HDAC4: variants seen among roughly 807,000 people sequenced by gnomAD.
HDAC4 encodes the protein histone deacetylase 4, also known as histone deacetylase A.
HDAC4 carries 16 observed loss-of-function variants against 135.1 expected under a neutral mutation model. The observed-to-expected ratio is 0.12, with a 90% CI of 0.08 to 0.18. The LOEUF (loss-of-function observed/expected upper bound fraction) is 0.18, where lower values mean the gene tolerates loss of function less well. Ranked by LOEUF, HDAC4 falls within the 10% of genes least tolerant of loss-of-function variation. The pLI is 1.00. For synonymous variants in HDAC4, 685 were observed against 653.4 expected, an observed-to-expected ratio of 1.05 and a Z score of -0.74; for missense variants, 1,143 against 1,511.8, an observed-to-expected ratio of 0.76 and a Z score of 4.05.
At position 239,115,129 on chromosome 2, in the gene HDAC4, T is replaced by C; in HGVS notation, c.1715A>G (p.Glu572Gly). 1.9e-6 allele frequency: 3 copies of C among 1,611,846 alleles called. No individual in the cohort carries two copies. Among genetic ancestry groups the C allele is most frequent in the Non-Finnish European group, 8.5e-7 (1 of 1,179,942 alleles). Residue 572 changes from glutamate to glycine, a missense_variant, in exon 13 of 27, where the codon GAG (glutamate) becomes GGG (glycine). Physicochemically the swap from Glu to Gly is moderately conservative, Grantham distance 98 (BLOSUM62 -2). Around this residue, in one of 9 missense-constraint regions of HDAC4, gnomAD observed 196 missense variants for 210.7 expected, o/e 0.93. Transcript: ENST00000543185. The surrounding 1 kb of genome is among the most constrained non-coding windows in gnomAD (Gnocchi z 6.3). ...QVKQEPIESD[E>G]EEAEPPREVE... is the part of the protein sequence containing the mutation. ...CTCCCGTGGGGGCTCTGCCTCTTCC[T>C]CATCGCTCTCAATGGGCTCCTGCTT...
chr2:239,087,522 G>T, intron 19 of HDAC4, 37 bp downstream of exon 19: 1 of 1,603,052 alleles, frequency 6.2e-7, no homozygotes, highest in Non-Finnish European at 8.5e-7. Context: ...GGAAGACCTG[G>T]GTTCCCCTGC....
In HDAC4 at chr2:239,344,864, T is replaced by C. The variant is rs931713294; in HGVS notation, c.22+7814A>G. 9.2e-5 allele frequency among the ~76,000 whole-genome samples: 14 copies of C among 152,292 alleles called. No homozygotes were observed. The Middle Eastern group carries it at 0.02, about 222-fold the overall frequency. ...GTCCTTCTCTAAAACCTCCAGTTGA[T>C]GTAGGGCTGGTCTACTCTCCCACGT... On this transcript the variant is annotated intron_variant, in intron 2 of 26. Coordinates refer to ENST00000543185, the MANE Select transcript of HDAC4 (RefSeq NM_001378414.1).
At chr2:239,324,751 T>C (rs1215797890) in intron 2 of HDAC4, among the ~76,000 whole-genome samples, 1 of 152,206 alleles carries the variant, frequency 6.6e-6, no homozygotes, top group Non-Finnish European at 1.5e-5. Context: ...CGCCATCCCT[T>C]GGAGAGGCCA....
chr2:239,147,626 G>A (rs2041851282), intron 7 of HDAC4, among the ~76,000 whole-genome samples: 1 of 152,276 alleles, frequency 6.6e-6, no homozygotes, highest in Non-Finnish European at 1.5e-5. Flanking sequence ...AGGGCTGCAG[G>A]TACATTGACA....
chr2:239,256,654 G>A (rs886308291), intron 2 of HDAC4, among the ~76,000 whole-genome samples: 2 of 152,248 alleles, frequency 1.3e-5, no homozygotes, highest in Non-Finnish European at 2.9e-5. Context: ...CTGTTTTTGT[G>A]TCCATGACCC....
intron 1 of HDAC4, among the ~76,000 whole-genome samples, chr2:239,359,999 G>A (rs2125956788): frequency 6.6e-6 from 1 of 152,326 alleles, no homozygotes; most frequent in Non-Finnish European, 1.5e-5. Flanking sequence ...GGAGTTCATG[G>A]TTGCAAGCAA....
chr2:239,248,383 G>A (rs60560698), intron 2 of HDAC4, among the ~76,000 whole-genome samples: 18,033 of 151,946 alleles, frequency 0.12, 1,198 homozygotes, highest in Non-Finnish European at 0.15. Context: ...GGGTTTCACC[G>A]TGTTAGCCAG....
rs1244447070 is a variant in HDAC4 at position 239,313,990 on chromosome 2, C to T, written c.22+38688G>A. Among the ~76,000 whole-genome samples the T allele has an allele frequency of 6.6e-6, 1 of 152,116 alleles. No individual in the cohort carries two copies. The highest frequency in any genetic ancestry group is 6.5e-5 in the Admixed American group (1 of 15,274). On this transcript the variant is annotated intron_variant, in intron 2 of 26. Transcript: ENST00000543185. This position sits in a 1 kb window ranked among gnomAD's most constrained non-coding sequence, Gnocchi z 5.1. ...AAGACAGGCCTGCAAGGGACACATC[C>T]GGGCCTGGGCTTGGTGCTGGCTAGA...
rs560867165 is a variant in HDAC4 at position 239,082,218 on chromosome 2, C to T, written c.2536G>A (p.Val846Met). 6 of 1,614,186 alleles carry T rather than the reference C, an allele frequency of 3.7e-6. No individual in the cohort carries two copies. The highest frequency in any genetic ancestry group is 3.3e-5 in the Admixed American group (2 of 60,032). ...VSKILIVDWD[V>M]HHGNGTQQAF... ...TGCTGGGTCCCGTTTCCATGGTGCACGTCCTTAAAGAGCAGGGACAACTAC... is the reference window on the plus strand; with the variant it reads ...TGCTGGGTCCCGTTTCCATGGTGCATGTCCTTAAAGAGCAGGGACAACTAC... The change falls in exon 21 of 27, where the codon GTG (valine) becomes ATG (methionine). Residue 846 changes from valine to methionine, a missense_variant. Around this residue, in one of 9 missense-constraint regions of HDAC4, gnomAD observed 189 missense variants for 317.6 expected, o/e 0.60. Coordinates refer to ENST00000543185, the MANE Select transcript of HDAC4 (RefSeq NM_001378414.1).
intron 2 of HDAC4, among the ~76,000 whole-genome samples, chr2:239,273,041 C>T (rs553076523): frequency 4.6e-5 from 7 of 152,254 alleles, no homozygotes; most frequent in African/African-American, 1.4e-4. Flanking sequence ...TCCTCATTCC[C>T]GGAACCTAGA....
chr2:239,076,196 G>C (rs1179544527), intron 22 of HDAC4, among the ~76,000 whole-genome samples: 2 of 151,390 alleles, frequency 1.3e-5, no homozygotes, highest in African/African-American at 4.9e-5. Context: ...GGTTGGGTTG[G>C]AACAGCAGGC....
chr2:239,184,709 T>C lies in HDAC4; in HGVS notation c.339+5124A>G, dbSNP rs563643438. Reference sequence around the variant, plus strand: ...AGTGTCTGTCCCGGAGGATGTGTCCTATGGGGGGGTCCCTCAGTGTCTGTC... The same window carrying C: ...AGTGTCTGTCCCGGAGGATGTGTCCCATGGGGGGGTCCCTCAGTGTCTGTC... On this transcript the variant is annotated intron_variant, in intron 4 of 26. Transcript: ENST00000543185. 9.3e-5 allele frequency among the ~76,000 whole-genome samples: 11 copies of C among 117,750 alleles called. No homozygotes were observed. The South Asian group carries it at 3.6e-3, about 39-fold the overall frequency. The allele number at this position is 117,750 out of a possible 152,430, so 77.2% of individuals were successfully genotyped here.
chr2:239,094,758 A>G, intron 17 of HDAC4: 1 of 1,350,360 alleles, frequency 7.4e-7, no homozygotes, highest in Non-Finnish European at 9.6e-7. Flanking sequence ...CCTGTTTCTT[A>G]AAGCGAGAGC....
chr2:239,186,516 G>A (rs919766903), intron 4 of HDAC4: 1 of 152,234 alleles, frequency 6.6e-6, no homozygotes, highest in Non-Finnish European at 1.5e-5. Context: ...CAAAGAGAAA[G>A]GCAACCTTGA....
In HDAC4 at chr2:239,303,937, A is replaced by G. The variant is rs904174466; in HGVS notation, c.22+48741T>C. Reference sequence around the variant, plus strand: ...AAGGTCCCACTTCCCACCTCAGTCAAGCACCTGCCTCCCAGGCCTCACCAG... The same window carrying G: ...AAGGTCCCACTTCCCACCTCAGTCAGGCACCTGCCTCCCAGGCCTCACCAG... On this transcript the variant is annotated intron_variant, in intron 2 of 26. Transcript: ENST00000543185. The surrounding 1 kb of genome is among the most constrained non-coding windows in gnomAD (Gnocchi z 5.1). Among the ~76,000 whole-genome samples the G allele has an allele frequency of 4.6e-5, 7 of 152,170 alleles. No individual in the cohort carries two copies. Among genetic ancestry groups the G allele is most frequent in the African/African-American group, 1.4e-4 (6 of 41,520 alleles).
chr2:239,167,253 G>T lies in HDAC4; in HGVS notation c.491-3330C>A, dbSNP rs1040395402. ...TGTGGATCCACTGGCCCTCCACGGGGGAGGGTGCGCACTCCAGGAACAGGA... is the reference window on the plus strand; with the variant it reads ...TGTGGATCCACTGGCCCTCCACGGGTGAGGGTGCGCACTCCAGGAACAGGA... On this transcript the variant is annotated intron_variant, in intron 5 of 26. Coordinates refer to ENST00000543185, the MANE Select transcript of HDAC4 (RefSeq NM_001378414.1). The surrounding 1 kb of genome is among the most constrained non-coding windows in gnomAD (Gnocchi z 4.1). Among the ~76,000 whole-genome samples the T allele has an allele frequency of 2.0e-5, 3 of 152,170 alleles. No individual in the cohort carries two copies. Among genetic ancestry groups the T allele is most frequent in the African/African-American group, 7.2e-5 (3 of 41,450 alleles).
chr2:239,120,406 C>G lies in HDAC4; in HGVS notation c.1534-5096G>C, dbSNP rs201100156. On this transcript the variant is annotated intron_variant, in intron 12 of 26. Coordinates refer to ENST00000543185, the MANE Select transcript of HDAC4 (RefSeq NM_001378414.1). ...AGGCACACACAGACGCACACAGACA[C>G]ACACACACAGACACAGACAGATGCA... Among the ~76,000 whole-genome samples, 609 of 131,348 alleles carry G rather than the reference C, an allele frequency of 4.6e-3. 3 individuals are homozygous for G. The highest frequency in any genetic ancestry group is 0.026 in the East Asian group (113 of 4,378). The allele number at this position is 131,348 out of a possible 152,430, so 86.2% of individuals were successfully genotyped here. A position where few individuals can be genotyped will look rare whatever the true frequency, so the allele number is the denominator to read the frequency against.
chr2:239,277,860 A>C (rs1447212019), intron 2 of HDAC4, among the ~76,000 whole-genome samples: 1 of 152,118 alleles, frequency 6.6e-6, no homozygotes, highest in Non-Finnish European at 1.5e-5. Flanking sequence ...GAAACAAATA[A>C]CTGAGAATAC....
At chr2:239,231,747 C>T (rs531352463) in intron 3 of HDAC4, among the ~76,000 whole-genome samples, 1 of 19,914 alleles carries the variant, frequency 5.0e-5, no homozygotes, top group Admixed American at 5.3e-4. Flanking sequence ...TTGCTGAGCA[C>T]CTGCTCCCGG....
Sources: allele counts gnomAD v4.1 joint callset (sites outside exome capture counted in the v4.1 genomes callset), GRCh38; gene constraint gnomAD v4.1.1; regional missense constraint gnomAD v4.1.1; non-coding constraint Gnocchi (gnomAD v3.1); transcripts MANE v1.5; gene names NCBI Gene and HGNC (gene_info 2026-07-23, HGNC 2026-07-21).